Variants in PRKAG2 observed in about 807,000 individuals in gnomAD.
PRKAG2 encodes the protein protein kinase AMP-activated non-catalytic subunit gamma 2.
In PRKAG2, 26 loss-of-function variants were observed where a neutral mutation model predicts 69.6. The observed-to-expected ratio is 0.37, with a 90% CI of 0.27 to 0.52. The LOEUF (loss-of-function observed/expected upper bound fraction) is 0.52. Ranked by LOEUF, PRKAG2 falls within the 20% of genes least tolerant of loss-of-function variation. PRKAG2 has a pLI of 0.90. For synonymous variants in PRKAG2, 293 were observed against 285.0 expected (o/e 1.03, Z -0.28); for missense variants, 557 against 740.0 (o/e 0.75, Z 2.87).
intron 1 of PRKAG2, among the ~76,000 whole-genome samples, chr7:151,831,439 C>G (rs77989370): frequency 0.065 from 9,881 of 152,198 alleles, 568 homozygotes; most frequent in East Asian, 0.25. Flanking sequence ...ATGGACGAAC[C>G]TTAAAAATAT....
chr7:151,632,550 C>T lies in PRKAG2; in HGVS notation c.685-412G>A. 3 of 984,092 alleles carry T rather than the reference C, an allele frequency of 3.0e-6. No individual in the cohort carries two copies. The highest frequency in any genetic ancestry group is 4.7e-5 in the South Asian group (1 of 21,268). The allele number at this position is 984,092 out of a possible 1,614,324, so 61.0% of individuals were successfully genotyped here. A position where few individuals can be genotyped will look rare whatever the true frequency, so the allele number is the denominator to read the frequency against. On this transcript the variant is annotated intron_variant, in intron 4 of 15. Coordinates refer to ENST00000287878, the MANE Select transcript of PRKAG2 (RefSeq NM_016203.4). This position sits in a 1 kb window ranked among gnomAD's most constrained non-coding sequence, Gnocchi z 4.2. ...GAGAGGCCCGCGGCCCGCCCCCACT[C>T]CGCCCCCCGGCGCCGCTCACCTTCC...
Position 151,876,603 on chromosome 7 carries a change from C to G in PRKAG2, c.18G>C (p.Met6Ile). The change falls in exon 1 of 16, where the codon ATG becomes ATC. Residue 6 changes from methionine to isoleucine, a missense_variant. By Grantham distance (10) the Met-to-Ile change is conservative. This residue lies in a region of PRKAG2 where 352 missense variants were observed against 356.7 expected (regional missense o/e 0.99). Coordinates refer to ENST00000287878, the MANE Select transcript of PRKAG2 (RefSeq NM_016203.4). ...AAACATCTTTTTTCTTCTTGGTGTC[C>G]ATAACCGCGCTTCCCATAACTCTAA... The part of the protein sequence containing the change: MGSAV[M>I]DTKKKKDVSS... 1.2e-6 allele frequency: 2 copies of G among 1,609,664 alleles called. No homozygotes were observed. Among genetic ancestry groups the G allele is most frequent in the East Asian group, 4.5e-5 (2 of 44,876 alleles).
At chr7:151,570,290 T>C (rs571969774) in intron 9 of PRKAG2, 65 bp from the exon 10 acceptor site, 2 of 1,519,638 alleles carry the variant, frequency 1.3e-6, no homozygotes, top group African/African-American at 1.4e-5. Context: ...ATAACACAAA[T>C]TCAAATACCC....
rs1051105980 is a variant in PRKAG2, at chr7:151,784,189, G to A, written c.186+2281C>T. Among the ~76,000 whole-genome samples, 39 of 152,140 alleles carry A rather than the reference G, an allele frequency of 2.6e-4. 1 individual carries two copies. The highest frequency in any genetic ancestry group is 6.5e-5 in the Admixed American group (1 of 15,292). Reference sequence around the variant, plus strand: ...GACAGCAGCCTCGAGGGTGTGAACCGGAAGAGGAGCCGAGGCCACATGGGA... The same window carrying A: ...GACAGCAGCCTCGAGGGTGTGAACCAGAAGAGGAGCCGAGGCCACATGGGA... On this transcript the variant is annotated intron_variant, in intron 2 of 15. Coordinates refer to ENST00000287878, the MANE Select transcript of PRKAG2 (RefSeq NM_016203.4).
chr7:151,569,651 G>T (rs1254339950), intron 10 of PRKAG2, among the ~76,000 whole-genome samples: 1 of 152,302 alleles, frequency 6.6e-6, no homozygotes, highest in East Asian at 1.9e-4. Flanking sequence ...TACTGGATTT[G>T]AGTTTGAAAG....
At chr7:151,640,340 T>G (rs780970504) in intron 4 of PRKAG2, among the ~76,000 whole-genome samples, 1 of 152,040 alleles carries the variant, frequency 6.6e-6, no homozygotes, top group Non-Finnish European at 1.5e-5. Context: ...AGACTTATTA[T>G]TCACTAACTT....
Position 151,876,709 on chromosome 7 carries a change from G to T in PRKAG2, c.-89C>A. On this transcript the variant is annotated 5_prime_UTR_variant, in exon 1 of 16. Coordinates refer to ENST00000287878, the MANE Select transcript of PRKAG2 (RefSeq NM_016203.4). ...CGGCCGCTGCCTTCGGACTGGAGCCGCGCGCTCTGTTACACCCTGAAGCCA... is the reference window on the plus strand; with the variant it reads ...CGGCCGCTGCCTTCGGACTGGAGCCTCGCGCTCTGTTACACCCTGAAGCCA... The T allele has an allele frequency of 7.7e-7, 1 of 1,298,030 alleles. No homozygotes were observed. Among genetic ancestry groups the T allele is most frequent in the Non-Finnish European group, 1.1e-6 (1 of 919,620 alleles). The allele number at this position is 1,298,030 out of a possible 1,614,324, so 80.4% of individuals were successfully genotyped here.
At position 151,580,347 on chromosome 7, in the gene PRKAG2, A is replaced by G. The variant is rs551872864; in HGVS notation, c.865-3895T>C. On this transcript the variant is annotated intron_variant, in intron 6 of 15. Transcript: ENST00000287878. ...GGGTGACAGAGTGAGACTCCATCTCAAAAAAAATAAAAAATACTTAAGGAG... is the reference window on the plus strand; with the variant it reads ...GGGTGACAGAGTGAGACTCCATCTCGAAAAAAATAAAAAATACTTAAGGAG... Among the ~76,000 whole-genome samples, 9 of 152,034 alleles carry G rather than the reference A, an allele frequency of 5.9e-5. No individual in the cohort carries two copies. The East Asian group carries it at 1.7e-3, about 29-fold the overall frequency.
chr7:151,701,706 G>A (rs1392474627), intron 3 of PRKAG2, among the ~76,000 whole-genome samples: 1 of 152,084 alleles, frequency 6.6e-6, no homozygotes, highest in Admixed American at 6.5e-5. Context: ...AGCCGGCCTG[G>A]TGGTGGGCAC....
At chr7:151,690,311 C>T (rs184047633) in intron 3 of PRKAG2, among the ~76,000 whole-genome samples, 24 of 152,264 alleles carry the variant, frequency 1.6e-4, no homozygotes, top group African/African-American at 4.3e-4. Flanking sequence ...GCTCGCTTCG[C>T]GGGGAGGGAG....
intron 1 of PRKAG2, among the ~76,000 whole-genome samples, chr7:151,797,614 C>T (rs543580623): frequency 2.6e-5 from 4 of 152,348 alleles, no homozygotes; most frequent in African/African-American, 7.2e-5. Context: ...ACACTTTCTA[C>T]GGGTACCCAA....
rs577846327 is a variant in PRKAG2 at position 151,688,366 on chromosome 7, C to T, written c.467-12729G>A. On this transcript the variant is annotated intron_variant, in intron 3 of 15. Coordinates refer to ENST00000287878, the MANE Select transcript of PRKAG2 (RefSeq NM_016203.4). Reference sequence around the variant, plus strand: ...GAGATGCCTGTTTATAACACAGCATCGTTCATGCCAATTGTCTGGCAAAGC... The same window carrying T: ...GAGATGCCTGTTTATAACACAGCATTGTTCATGCCAATTGTCTGGCAAAGC... Among the ~76,000 whole-genome samples the T allele has an allele frequency of 2.6e-5, 4 of 152,344 alleles. No individual in the cohort carries two copies. In the South Asian group the frequency reaches 6.2e-4, roughly 24 times the overall value.
intron 5 of PRKAG2, among the ~76,000 whole-genome samples, chr7:151,612,398 T>C (rs9640297): frequency 0.28 from 41,848 of 151,996 alleles, 5,866 homozygotes; most frequent in African/African-American, 0.31. Context: ...AACTCTAAAA[T>C]CACACTGCAG....
chr7:151,629,199 C>T (rs1047886789), intron 5 of PRKAG2, among the ~76,000 whole-genome samples: 3 of 152,144 alleles, frequency 2.0e-5, no homozygotes, highest in African/African-American at 7.2e-5. Flanking sequence ...CCATAACACC[C>T]GCAAAGGCTA....
chr7:151,758,149 T>G (rs2075212472), intron 3 of PRKAG2, among the ~76,000 whole-genome samples: 1 of 152,176 alleles, frequency 6.6e-6, no homozygotes, highest in South Asian at 2.1e-4. Context: ...CTCTTTTTTT[T>G]TTTTCTAGTA....
chr7:151,646,490 T>C (rs80209468), intron 4 of PRKAG2, among the ~76,000 whole-genome samples: 4,005 of 152,326 alleles, frequency 0.026, 150 homozygotes, highest in East Asian at 0.2. Context: ...GCTGTTAGCA[T>C]ATAAAAATAC....
At chr7:151,617,281 AAAGAGGGAGGGG>A (rs1361189189) in intron 5 of PRKAG2, among the ~76,000 whole-genome samples, 5 of 68,884 alleles carry the variant, frequency 7.3e-5, no homozygotes, top group African/African-American at 3.4e-4. Flanking sequence ...GGAGGGAGGG[AAAGAGGGAGGGG>A]GGGAGGGAGG....
intron 1 of PRKAG2, among the ~76,000 whole-genome samples, chr7:151,792,640 C>T (rs1407428459): frequency 6.6e-6 from 1 of 152,186 alleles, no homozygotes; most frequent in Admixed American, 6.5e-5. Context: ...GACAAGAGTG[C>T]AAATACAGGA....
chr7:151,737,224 G>A (rs961145617), intron 3 of PRKAG2, among the ~76,000 whole-genome samples: 1 of 151,970 alleles, frequency 6.6e-6, no homozygotes, highest in Admixed American at 6.6e-5. Context: ...TTTAGTCTAG[G>A]GCCAGGCACG....
Sources: gnomAD v4.1 joint callset for allele counts (sites outside exome capture counted in the v4.1 genomes callset) on GRCh38, gnomAD v4.1.1 for gene constraint, gnomAD v4.1.1 regional missense constraint, Gnocchi (gnomAD v3.1) non-coding constraint, MANE v1.5 for transcripts, NCBI Gene and HGNC (gene_info 2026-07-23, HGNC 2026-07-21) for gene names.